The following LYPLAL1 variants were observed in gnomAD, a reference collection of about 807,000 sequenced individuals.
LYPLAL1 encodes lysophospholipase like 1, also known as lysophospholipase-like protein 1.
In LYPLAL1, 23 loss-of-function variants were observed where a neutral mutation model predicts 19.7. The observed-to-expected ratio is 1.17, with a 90% confidence interval of 0.84 to 1.65. LYPLAL1 has a LOEUF of 1.65. Among genes scored for constraint, LYPLAL1 ranks in the 40% most tolerant of loss-of-function variants. The probability of loss-of-function intolerance (pLI) is 0.00; values close to 1 mark genes in which losing one functional copy is unlikely to be tolerated. For missense variants in LYPLAL1, 355 were observed against 279.4 expected, an observed-to-expected ratio of 1.27 and a Z score of -1.93; for synonymous variants, 119 against 96.3, an observed-to-expected ratio of 1.24 and a Z score of -1.38.
chr1:219,288,468 G>A, the LYPLAL1 span, among the ~76,000 whole-genome samples: 43 of 152,284 alleles, frequency 2.8e-4, 1 homozygote, highest in South Asian at 8.9e-3. Flanking sequence ...AGGGTTTGAG[G>A]CGTGGGATAA....
At chr1:219,294,932 T>G in the LYPLAL1 span, among the ~76,000 whole-genome samples, 1 of 152,138 alleles carries the variant, frequency 6.6e-6, no homozygotes, top group African/African-American at 2.4e-5. Flanking sequence ...GGGAATTGTA[T>G]CTCACCTCAA....
In LYPLAL1 at chr1:219,193,060, G is replaced by GA. The variant is rs749790093; in HGVS notation, c.192-22_192-21insA. 1.8e-5 allele frequency: 27 copies of GA among 1,504,126 alleles called. No homozygotes were observed. The Middle Eastern group carries it at 5.5e-4, about 31-fold the overall frequency. 93.2% of individuals were successfully genotyped at this position (1,504,126 alleles called of 1,614,324 possible). On this transcript the variant is annotated intron_variant, in intron 2 of 4. Coordinates refer to ENST00000366928, the MANE Select transcript of LYPLAL1 (RefSeq NM_138794.5). The stretch of plus-strand genomic sequence containing the variant: ...TTCCCTTTTCCTTTCTTTTTTTTTG[G>GA]GGGGGGGCGGTTGTTAAACAGATCA...
chr1:219,364,854 C>T, the LYPLAL1 span, among the ~76,000 whole-genome samples: 1 of 152,110 alleles, frequency 6.6e-6, no homozygotes, highest in African/African-American at 2.4e-5. Context: ...AGTCAAGTTA[C>T]TTGCCTATTT....
At chr1:219,338,180 G>A in the LYPLAL1 span, among the ~76,000 whole-genome samples, 1 of 151,914 alleles carries the variant, frequency 6.6e-6, no homozygotes, top group Non-Finnish European at 1.5e-5. Flanking sequence ...ATTTTGTCAG[G>A]GAGAAACATT....
chr1:219,221,579 A>G, the LYPLAL1 span, among the ~76,000 whole-genome samples: 10 of 152,268 alleles, frequency 6.6e-5, no homozygotes, highest in African/African-American at 2.4e-4. Flanking sequence ...CGAATAGTAA[A>G]CTAATAGCTG....
At chr1:219,277,350 T>C in the LYPLAL1 span, among the ~76,000 whole-genome samples, 1 of 152,116 alleles carries the variant, frequency 6.6e-6, no homozygotes, top group African/African-American at 2.4e-5. Flanking sequence ...GCAATTTTGG[T>C]GTTGTAAATG....
the LYPLAL1 span, among the ~76,000 whole-genome samples, chr1:219,341,001 T>C: frequency 6.6e-6 from 1 of 152,090 alleles, no homozygotes; most frequent in Non-Finnish European, 1.5e-5. Context: ...TCTGAACTAA[T>C]TCAGCATTTA....
chr1:219,396,480 G>T, the LYPLAL1 span, among the ~76,000 whole-genome samples: 4 of 152,210 alleles, frequency 2.6e-5, no homozygotes, highest in East Asian at 7.7e-4. Context: ...GAATGTCATT[G>T]GTATTGAATC....
chr1:219,291,090 C>G, the LYPLAL1 span, among the ~76,000 whole-genome samples: 1 of 152,148 alleles, frequency 6.6e-6, no homozygotes, highest in Non-Finnish European at 1.5e-5. Flanking sequence ...GAGTAAGCTT[C>G]TATAAAGTGC....
intron 2 of LYPLAL1, among the ~76,000 whole-genome samples, chr1:219,186,901 C>A (rs578200150): frequency 6.6e-6 from 1 of 151,716 alleles, no homozygotes; most frequent in South Asian, 2.1e-4. Flanking sequence ...CTTTTCATTC[C>A]TCTGTTTCCC....
the LYPLAL1 span, among the ~76,000 whole-genome samples, chr1:219,421,736 G>C: frequency 6.6e-6 from 1 of 152,116 alleles, no homozygotes; most frequent in Admixed American, 6.5e-5. Context: ...GGAGAAGGAG[G>C]ATAGCAGGAG....
At chr1:219,202,578 G>T (rs764432092) in intron 3 of LYPLAL1, among the ~76,000 whole-genome samples, 1 of 152,202 alleles carries the variant, frequency 6.6e-6, no homozygotes, top group Admixed American at 6.5e-5. Context: ...TATTCATAAC[G>T]TTTTAATGAA....
At chr1:219,240,637 C>A in the LYPLAL1 span, among the ~76,000 whole-genome samples, 64 of 152,218 alleles carry the variant, frequency 4.2e-4, no homozygotes, top group African/African-American at 1.5e-3. Context: ...CCAAATTCCC[C>A]AAAATGAATA....
the LYPLAL1 span, among the ~76,000 whole-genome samples, chr1:219,385,509 G>A: frequency 1.3e-5 from 2 of 152,040 alleles, no homozygotes; most frequent in Non-Finnish European, 2.9e-5. Flanking sequence ...TATAGCACGA[G>A]TCCTCATTTT....
chr1:219,380,346 G>A, the LYPLAL1 span, among the ~76,000 whole-genome samples: 1 of 152,186 alleles, frequency 6.6e-6, no homozygotes. Flanking sequence ...AATAGAAACA[G>A]CCCCAGACCA....
chr1:219,370,414 TC>T, the LYPLAL1 span, among the ~76,000 whole-genome samples: 1 of 152,162 alleles, frequency 6.6e-6, no homozygotes, highest in Non-Finnish European at 1.5e-5. Context: ...CTTGCTTCTC[TC>T]CCTATATCTC....
the LYPLAL1 span, among the ~76,000 whole-genome samples, chr1:219,338,486 C>A: frequency 6.6e-6 from 1 of 151,846 alleles, no homozygotes; most frequent in African/African-American, 2.4e-5. Flanking sequence ...CTAATAGAGA[C>A]CTAACTGATA....
the LYPLAL1 span, among the ~76,000 whole-genome samples, chr1:219,259,435 A>G: frequency 6.9e-6 from 1 of 143,980 alleles, no homozygotes; most frequent in Non-Finnish European, 1.5e-5. Flanking sequence ...ATATATGTAT[A>G]TATACCATGG....
the LYPLAL1 span, among the ~76,000 whole-genome samples, chr1:219,381,657 C>T: frequency 3.2e-4 from 48 of 152,210 alleles, no homozygotes; most frequent in African/African-American, 1.1e-3. Context: ...ATGCAGAACA[C>T]AAAATAGGAG....
Sources: allele counts gnomAD v4.1 joint callset (sites outside exome capture counted in the v4.1 genomes callset), GRCh38; gene constraint gnomAD v4.1.1; transcripts MANE v1.5; gene names NCBI Gene and HGNC (gene_info 2026-07-23, HGNC 2026-07-21).